Variants in SPON1 observed in about 807,000 individuals in gnomAD.
The protein encoded by SPON1 is spondin 1.
In SPON1, 52 loss-of-function variants were observed where a neutral mutation model predicts 111.7. That is an observed-to-expected ratio of 0.47 (90% CI 0.37 to 0.59). The LOEUF is 0.59. Among genes scored for constraint, SPON1 ranks in the 20% least tolerant of loss-of-function variants. The pLI is 0.00. For synonymous variants in SPON1, 410 were observed against 395.8 expected (o/e 1.04, Z -0.43); for missense variants, 957 against 1,068.5 (o/e 0.90, Z 1.46).
At chr11:14,161,193 A>T (rs1228997259) in intron 6 of SPON1, among the ~76,000 whole-genome samples, 1 of 62,388 alleles carries the variant, frequency 1.6e-5, no homozygotes, top group African/African-American at 5.4e-5. Context: ...TTATATATCT[A>T]TATATATTTA....
intron 6 of SPON1, among the ~76,000 whole-genome samples, chr11:14,225,772 G>A (rs1848732110): frequency 6.6e-6 from 1 of 152,102 alleles, no homozygotes; most frequent in Admixed American, 6.5e-5. Context: ...ATCACCATAC[G>A]TCTACAGGGT....
At chr11:14,224,783 C>A (rs958628751) in intron 6 of SPON1, 2 of 491,282 alleles carry the variant, frequency 4.1e-6, no homozygotes, top group Non-Finnish European at 8.1e-6. Context: ...GTAGGTGGGG[C>A]CAAAGGGTGA....
chr11:14,110,197 C>T (rs940893750), intron 5 of SPON1, among the ~76,000 whole-genome samples: 5 of 152,214 alleles, frequency 3.3e-5, no homozygotes, highest in Admixed American at 6.5e-5. Context: ...TTCCCAGTTA[C>T]TGAGAAGTGA....
At chr11:14,214,900 A>G (rs1247640689) in intron 6 of SPON1, among the ~76,000 whole-genome samples, 6 of 152,252 alleles carry the variant, frequency 3.9e-5, no homozygotes, top group Non-Finnish European at 8.8e-5. Flanking sequence ...CACAAAGCCT[A>G]ACCAACAGTG....
At chr11:13,983,009 T>A in intron 2 of SPON1, 56 bp downstream of exon 2, 1 of 1,242,054 alleles carries the variant, frequency 8.1e-7, no homozygotes, top group Non-Finnish European at 1.2e-6. Context: ...AGGTAGAGGC[T>A]GGAGAGGTAC....
At chr11:14,119,321 A>C (rs782371330) in intron 5 of SPON1, among the ~76,000 whole-genome samples, 2 of 152,154 alleles carry the variant, frequency 1.3e-5, no homozygotes, top group Non-Finnish European at 2.9e-5. Context: ...TCAAGGTAAG[A>C]GTGCATTATT....
chr11:14,004,144 TACACACACAG>T (rs1198365724), intron 2 of SPON1, among the ~76,000 whole-genome samples: 2 of 152,028 alleles, frequency 1.3e-5, no homozygotes, highest in Non-Finnish European at 2.9e-5. Flanking sequence ...AATATTCCAT[TACACACACAG>T]ACACACACAC....
intron 7 of SPON1, among the ~76,000 whole-genome samples, chr11:14,249,498 C>T (rs1554940508): frequency 6.6e-6 from 1 of 152,240 alleles, no homozygotes; most frequent in African/African-American, 2.4e-5. Context: ...CACACCCCTG[C>T]AGAACTTCAG....
chr11:14,255,444 C>G (rs1340225848), intron 8 of SPON1, among the ~76,000 whole-genome samples: 2 of 152,184 alleles, frequency 1.3e-5, no homozygotes, highest in Non-Finnish European at 2.9e-5. Flanking sequence ...ACAATCCTAC[C>G]ATGGACATGG....
At chr11:13,971,548 A>C (rs529846537) in intron 1 of SPON1, among the ~76,000 whole-genome samples, 2 of 152,140 alleles carry the variant, frequency 1.3e-5, no homozygotes, top group Non-Finnish European at 2.9e-5. Context: ...TTAATAAAAA[A>C]ACTTCCTGGG....
At chr11:14,255,285 C>T (rs1279762143) in intron 8 of SPON1, among the ~76,000 whole-genome samples, 1 of 152,214 alleles carries the variant, frequency 6.6e-6, no homozygotes, top group Non-Finnish European at 1.5e-5. Context: ...ATATGGTTCA[C>T]AAAGCCTAAA....
intron 5 of SPON1, among the ~76,000 whole-genome samples, chr11:14,114,944 T>A (rs1554925845): frequency 1.3e-5 from 2 of 152,124 alleles, no homozygotes; most frequent in Admixed American, 6.6e-5. Flanking sequence ...CCAAGCTGCC[T>A]CCCTGACAGG....
chr11:14,170,998 G>A (rs1440174504), intron 6 of SPON1, among the ~76,000 whole-genome samples: 38 of 152,180 alleles, frequency 2.5e-4, no homozygotes, highest in Non-Finnish European at 4.0e-4. Flanking sequence ...TCAGGATGAC[G>A]CTGGCCTCAT....
intron 3 of SPON1, among the ~76,000 whole-genome samples, chr11:14,050,944 G>A (rs1848703004): frequency 6.6e-6 from 1 of 152,192 alleles, no homozygotes. Context: ...CTCTGGGACA[G>A]GAATCAAGTG....
intron 2 of SPON1, among the ~76,000 whole-genome samples, chr11:13,999,424 C>CTTTTT (rs11411530): frequency 9.8e-5 from 14 of 142,564 alleles, no homozygotes; most frequent in African/African-American, 3.4e-4. Flanking sequence ...CATTTTCTTT[C>CTTTTT]TTTTTTTTTT....
chr11:14,258,005 T>G (rs577368062), intron 11 of SPON1, 107 bp downstream of exon 11: 1 of 1,075,848 alleles, frequency 9.3e-7, no homozygotes, highest in African/African-American at 1.6e-5. Context: ...ACCCTGACAG[T>G]AGATGTCAGT....
intron 6 of SPON1, among the ~76,000 whole-genome samples, chr11:14,139,436 T>C (rs183880707): frequency 5.9e-4 from 90 of 152,356 alleles, no homozygotes; most frequent in African/African-American, 1.9e-3. Flanking sequence ...TTGATGTCTC[T>C]CCCTCACTAA....
chr11:14,044,568 T>A (rs1226748650), intron 3 of SPON1, among the ~76,000 whole-genome samples: 1 of 152,172 alleles, frequency 6.6e-6, no homozygotes, highest in Non-Finnish European at 1.5e-5. Flanking sequence ...GCCGAGACTG[T>A]GCCACCGCAC....
chr11:14,259,768 A>G lies in SPON1; in HGVS notation c.1831+67A>G, dbSNP rs782639467. 6.1e-6 allele frequency: 9 copies of G among 1,481,186 alleles called. No individual in the cohort carries two copies. Among genetic ancestry groups the G allele is most frequent in the Non-Finnish European group, 8.2e-6 (9 of 1,098,022 alleles). The allele number at this position is 1,481,186 out of a possible 1,614,324, so 91.8% of individuals were successfully genotyped here. ...ACAGGCGTGGAGGGCCATGGCATCC[A>G]CTATTACCACCATAAAGGTCGGAGG... On this transcript the variant is annotated intron_variant, in intron 13 of 15. Transcript: ENST00000576479. This position sits in a 1 kb window ranked among gnomAD's most constrained non-coding sequence, Gnocchi z 5.0.
Sources: allele counts gnomAD v4.1 joint callset (sites outside exome capture counted in the v4.1 genomes callset), GRCh38; gene constraint gnomAD v4.1.1; non-coding constraint Gnocchi (gnomAD v3.1); transcripts MANE v1.5; gene names NCBI Gene and HGNC (gene_info 2026-07-23, HGNC 2026-07-21).